Variants in AUTS2 observed in about 807,000 individuals in gnomAD.
AUTS2 encodes the protein autism susceptibility gene 2 protein.
A neutral mutation model predicts 112.4 loss-of-function variants in AUTS2; 17 were observed. The ratio of observed to expected loss-of-function variants is 0.15; its 90% CI spans 0.10 to 0.23. The LOEUF (loss-of-function observed/expected upper bound fraction) is 0.23. AUTS2 is among the 10% of genes least tolerant of loss of function. AUTS2 has a pLI of 1.00. For missense variants in AUTS2, 1,510 were observed against 1,701.6 expected (o/e 0.89, Z 1.98); for synonymous variants, 751 against 702.7 (o/e 1.07, Z -1.09).
At chr7:70,217,740 G>A (rs1248803089) in intron 4 of AUTS2, among the ~76,000 whole-genome samples, 1 of 152,150 alleles carries the variant, frequency 6.6e-6, no homozygotes, top group Non-Finnish European at 1.5e-5. Context: ...ATGTTGAAAG[G>A]CAGTTATGAT....
rs187078318 is a variant in AUTS2 at position 69,828,339 on chromosome 7, C to A, written c.310-70947C>A. Among the ~76,000 whole-genome samples, 118 of 152,298 alleles carry A rather than the reference C, an allele frequency of 7.7e-4. No homozygotes were observed. In the East Asian group the frequency reaches 0.013, roughly 17 times the overall value. On this transcript the variant is annotated intron_variant, in intron 1 of 18. Coordinates refer to ENST00000342771, the MANE Select transcript of AUTS2 (RefSeq NM_015570.4). ...AGTATAATTTCTATCTGGTTGTTGT[C>A]TGCATGTGGTGCTTTGAAATTGGCA...
At chr7:70,049,035 A>C (rs1371039881) in intron 2 of AUTS2, among the ~76,000 whole-genome samples, 1 of 152,168 alleles carries the variant, frequency 6.6e-6, no homozygotes, top group African/African-American at 2.4e-5. Flanking sequence ...GGGTTCAAGC[A>C]GTGTTCCTGT....
chr7:70,259,660 T>C (rs1391194134), intron 4 of AUTS2, among the ~76,000 whole-genome samples: 1 of 152,242 alleles, frequency 6.6e-6, no homozygotes, highest in African/African-American at 2.4e-5. Flanking sequence ...CACCTTGTTC[T>C]TGACCACTTC....
At chr7:70,753,067 T>C (rs1460466902) in intron 6 of AUTS2, among the ~76,000 whole-genome samples, 2 of 152,106 alleles carry the variant, frequency 1.3e-5, no homozygotes, top group East Asian at 3.9e-4. Flanking sequence ...GCAATAAACT[T>C]GAAACAAGTT....
intron 1 of AUTS2, among the ~76,000 whole-genome samples, chr7:69,672,446 G>A (rs1796379888): frequency 6.6e-6 from 1 of 152,144 alleles, no homozygotes; most frequent in Admixed American, 6.5e-5. Context: ...ACACACAACG[G>A]TGATTTGTGA....
At chr7:69,942,966 AT>A (rs1004781939) in intron 2 of AUTS2, among the ~76,000 whole-genome samples, 1 of 152,236 alleles carries the variant, frequency 6.6e-6, no homozygotes, top group African/African-American at 2.4e-5. Flanking sequence ...AAATCTTTAA[AT>A]TCCAGTCTTT....
chr7:70,078,129 A>T (rs1293665515), intron 2 of AUTS2, among the ~76,000 whole-genome samples: 1 of 152,172 alleles, frequency 6.6e-6, no homozygotes, highest in Non-Finnish European at 1.5e-5. Context: ...ACTCTGGTTT[A>T]GTCCTTACAG....
intron 5 of AUTS2, among the ~76,000 whole-genome samples, chr7:70,488,728 G>T (rs1008925695): frequency 5.9e-5 from 9 of 152,024 alleles, no homozygotes; most frequent in African/African-American, 2.2e-4. Context: ...TCTTTTCCTG[G>T]GAGGACCTTT....
chr7:70,305,161 A>C (rs1789434566), intron 4 of AUTS2, among the ~76,000 whole-genome samples: 1 of 152,106 alleles, frequency 6.6e-6, no homozygotes, highest in Non-Finnish European at 1.5e-5. Flanking sequence ...ATTTTTTCCA[A>C]TTCATCATTA....
chr7:69,693,293 TC>T (rs986402681), intron 1 of AUTS2, among the ~76,000 whole-genome samples: 3 of 152,224 alleles, frequency 2.0e-5, no homozygotes, highest in African/African-American at 7.2e-5. Context: ...GCAGCCCATT[TC>T]CCCATTCTGG....
At chr7:69,686,164 A>C (rs1797055273) in intron 1 of AUTS2, among the ~76,000 whole-genome samples, 1 of 152,226 alleles carries the variant, frequency 6.6e-6, no homozygotes, top group South Asian at 2.1e-4. Context: ...CTGTGATAAA[A>C]TGAATTTCCC....
At chr7:70,181,014 T>G (rs1584842475) in intron 4 of AUTS2, among the ~76,000 whole-genome samples, 1 of 152,236 alleles carries the variant, frequency 6.6e-6, no homozygotes, top group Non-Finnish European at 1.5e-5. Flanking sequence ...TTTTCACATA[T>G]GCAAATCAAC....
intron 2 of AUTS2, among the ~76,000 whole-genome samples, chr7:70,077,419 T>G (rs928696915): frequency 1.3e-5 from 2 of 152,166 alleles, no homozygotes; most frequent in Non-Finnish European, 2.9e-5. Context: ...TACACAGTGT[T>G]CCATATATGT....
chr7:70,540,046 G>C (rs1299284728), intron 5 of AUTS2, among the ~76,000 whole-genome samples: 1 of 151,346 alleles, frequency 6.6e-6, no homozygotes, highest in East Asian at 1.9e-4. Context: ...TTTTTTCCTT[G>C]CCTCAATTTT....
intron 5 of AUTS2, among the ~76,000 whole-genome samples, chr7:70,448,230 C>T (rs1385649855): frequency 1.3e-5 from 2 of 152,146 alleles, no homozygotes; most frequent in Admixed American, 1.3e-4. Flanking sequence ...TGAAATGTTA[C>T]CCCTCCTGGA....
intron 3 of AUTS2, among the ~76,000 whole-genome samples, chr7:70,125,126 G>C (rs1805895904): frequency 4.0e-5 from 6 of 151,850 alleles, no homozygotes; most frequent in Admixed American, 3.9e-4. Flanking sequence ...CTGCTTCTTT[G>C]TATGCCTGGC....
intron 1 of AUTS2, among the ~76,000 whole-genome samples, chr7:69,895,569 A>G (rs960475785): frequency 7.5e-6 from 1 of 134,162 alleles, no homozygotes; most frequent in Non-Finnish European, 1.6e-5. Flanking sequence ...GAAAATCTCA[A>G]TATTAATTGG....
intron 2 of AUTS2, among the ~76,000 whole-genome samples, chr7:70,008,563 A>G (rs1017833857): frequency 6.6e-6 from 1 of 152,188 alleles, no homozygotes; most frequent in Non-Finnish European, 1.5e-5. Context: ...TAAAATGTGC[A>G]AGAAGTTTTT....
At chr7:70,518,271 G>A (rs371847954) in intron 5 of AUTS2, among the ~76,000 whole-genome samples, 3 of 152,150 alleles carry the variant, frequency 2.0e-5, no homozygotes, top group Admixed American at 6.5e-5. Flanking sequence ...CAATCAGGAC[G>A]CAGGGGAGAA....
Sources: gnomAD v4.1 joint callset for allele counts (sites outside exome capture counted in the v4.1 genomes callset) on GRCh38, gnomAD v4.1.1 for gene constraint, MANE v1.5 for transcripts, NCBI Gene and HGNC (gene_info 2026-07-23, HGNC 2026-07-21) for gene names.